Variants in DAB1 observed in about 807,000 individuals in gnomAD.
DAB1 encodes the protein disabled homolog 1.
Under a neutral mutation model 64.6 loss-of-function variants are expected in DAB1, and 15 were observed. That is an observed-to-expected ratio of 0.23 (90% confidence interval 0.16 to 0.36). DAB1 has a LOEUF of 0.36. DAB1 is among the 10% of genes least tolerant of loss of function. DAB1 has a pLI of 1.00. For synonymous variants in DAB1, 235 were observed against 251.9 expected, an observed-to-expected ratio of 0.93 and a Z score of 0.64; for missense variants, 596 against 706.7, an observed-to-expected ratio of 0.84 and a Z score of 1.78.
chr1:57,733,590 A>G (rs1647539592), intron 6 of DAB1, among the ~76,000 whole-genome samples: 1 of 152,086 alleles, frequency 6.6e-6, no homozygotes, highest in Non-Finnish European at 1.5e-5. Context: ...TGGAGGCACA[A>G]ATGTAAATAT....
rs141855349 is a variant in DAB1, at chr1:57,712,074, C to T, written n.552-62409G>A. The stretch of plus-strand genomic sequence containing the variant: ...TTTTCCCCTGCAGATAAATTTTTTA[C>T]GAGATATCTCAAAACATGACTCACT... On this transcript the variant is annotated intron_variant and non_coding_transcript_variant, in intron 6 of 20. Coordinates refer to the DAB1 transcript ENST00000485760. 8.5e-5 allele frequency among the ~76,000 whole-genome samples: 13 copies of T among 152,136 alleles called. No individual in the cohort carries two copies. In the East Asian group the frequency reaches 1.9e-3, roughly 23 times the overall value.
At chr1:57,576,521 C>G (rs78417888) in intron 7 of DAB1, among the ~76,000 whole-genome samples, 1 of 152,230 alleles carries the variant, frequency 6.6e-6, no homozygotes, top group Non-Finnish European at 1.5e-5. Flanking sequence ...ACAAGGAACA[C>G]TAAGGATTGC....
chr1:58,389,338 T>C (rs1291350969), intron 3 of DAB1, among the ~76,000 whole-genome samples: 1 of 152,178 alleles, frequency 6.6e-6, no homozygotes, highest in Non-Finnish European at 1.5e-5. Context: ...CTCAGGAGAC[T>C]GAGGCAGGAG....
intron 6 of DAB1, among the ~76,000 whole-genome samples, chr1:57,707,490 T>G (rs969135503): frequency 6.6e-6 from 1 of 152,094 alleles, no homozygotes; most frequent in Non-Finnish European, 1.5e-5. Context: ...AATATATTTA[T>G]GTACATGTTT....
At chr1:57,095,131 G>T (rs893015216) in intron 4 of DAB1, among the ~76,000 whole-genome samples, 2 of 152,110 alleles carry the variant, frequency 1.3e-5, no homozygotes, top group Admixed American at 1.3e-4. Context: ...GAAAACTCTT[G>T]TACCTCTGCA....
intron 7 of DAB1, among the ~76,000 whole-genome samples, chr1:57,574,071 G>T (rs532812290): frequency 2.0e-5 from 3 of 152,286 alleles, no homozygotes; most frequent in Middle Eastern, 6.8e-3. Context: ...AACCAGATAT[G>T]CCAGAAGTCC....
At chr1:58,451,563 G>A (rs931038770) in intron 3 of DAB1, among the ~76,000 whole-genome samples, 9 of 152,356 alleles carry the variant, frequency 5.9e-5, no homozygotes, top group African/African-American at 1.4e-4. Context: ...AATGTAAGAT[G>A]TGAACATCAG....
intron 5 of DAB1, chr1:58,056,190 G>C: frequency 6.5e-7 from 1 of 1,535,700 alleles, no homozygotes; most frequent in East Asian, 2.2e-5. Context: ...ATCGGGATGG[G>C]GGTGTTCGGT....
At chr1:57,512,002 A>G (rs1218779364) in intron 7 of DAB1, among the ~76,000 whole-genome samples, 6 of 152,208 alleles carry the variant, frequency 3.9e-5, no homozygotes, top group Admixed American at 3.9e-4. Flanking sequence ...TTTTAAAACT[A>G]TCATCTATCT....
intron 1 of DAB1, among the ~76,000 whole-genome samples, chr1:57,878,128 A>C (rs1644082955): frequency 6.7e-6 from 1 of 149,432 alleles, no homozygotes; most frequent in Non-Finnish European, 1.5e-5. Context: ...CAACATGAAA[A>C]ATTCTTTAGA....
intron 2 of DAB1, among the ~76,000 whole-genome samples, chr1:57,175,966 C>T (rs58148357): frequency 0.021 from 3,190 of 152,174 alleles, 89 homozygotes; most frequent in East Asian, 0.14. Context: ...ATAGACAGAC[C>T]TGGGTTCAAA....
chr1:58,494,909 G>A (rs912868296), intron 3 of DAB1, among the ~76,000 whole-genome samples: 5 of 152,054 alleles, frequency 3.3e-5, no homozygotes, highest in East Asian at 3.8e-4. Context: ...CCCAGCCATC[G>A]CATTACTGGG....
At chr1:57,367,636 C>G (rs958159957) in intron 1 of DAB1, among the ~76,000 whole-genome samples, 2 of 152,312 alleles carry the variant, frequency 1.3e-5, no homozygotes, top group South Asian at 4.1e-4. Context: ...GTTGCCATCA[C>G]GCTAGCTGCA....
intron 7 of DAB1, among the ~76,000 whole-genome samples, chr1:57,483,571 C>T (rs1021397947): frequency 6.6e-6 from 1 of 152,124 alleles, no homozygotes; most frequent in East Asian, 1.9e-4. Flanking sequence ...TGAGAACAGA[C>T]TAATACATTT....
chr1:57,123,407 G>C (rs1215235654), intron 4 of DAB1, among the ~76,000 whole-genome samples: 6 of 152,112 alleles, frequency 3.9e-5, no homozygotes, highest in African/African-American at 2.4e-5. Flanking sequence ...TCTGAAATTA[G>C]GACAGAGGCA....
chr1:57,645,692 A>T (rs1236468810), intron 7 of DAB1, among the ~76,000 whole-genome samples: 1 of 152,134 alleles, frequency 6.6e-6, no homozygotes, highest in African/African-American at 2.4e-5. Context: ...TGCTACCTTC[A>T]TTTTCCTGAT....
At chr1:57,452,818 C>A (rs1399809379) in intron 7 of DAB1, among the ~76,000 whole-genome samples, 1 of 151,110 alleles carries the variant, frequency 6.6e-6, no homozygotes, top group Non-Finnish European at 1.5e-5. Context: ...CAGCACCTGG[C>A]CCAAAGTAGG....
chr1:57,599,927 T>C (rs1261372167), intron 7 of DAB1, among the ~76,000 whole-genome samples: 3 of 152,200 alleles, frequency 2.0e-5, no homozygotes, highest in East Asian at 3.9e-4. Context: ...GTCTTCACTT[T>C]GGACTGGTGC....
At chr1:57,963,183 T>C (rs777495419) in intron 5 of DAB1, among the ~76,000 whole-genome samples, 1 of 152,206 alleles carries the variant, frequency 6.6e-6, no homozygotes, top group Non-Finnish European at 1.5e-5. Context: ...CCTATTTTCC[T>C]GGGCTTAGAG....
Sources: allele counts gnomAD v4.1 joint callset (sites outside exome capture counted in the v4.1 genomes callset), GRCh38; gene constraint gnomAD v4.1.1; transcripts MANE v1.5; gene names NCBI Gene and HGNC (gene_info 2026-07-23, HGNC 2026-07-21).